The following OXR1 variants were observed in gnomAD, a reference collection of about 807,000 sequenced individuals.
OXR1 encodes the protein oxidation resistance 1, also known as oxidation resistance protein 1.
In OXR1, 41 loss-of-function variants were observed where a neutral mutation model predicts 104.6. That is an observed-to-expected ratio of 0.39 (90% CI 0.31 to 0.51). OXR1 has a LOEUF of 0.51. OXR1 is among the 20% of genes least tolerant of loss of function. The pLI is 0.77. For missense variants in OXR1, 955 were observed against 1,031.9 expected, an observed-to-expected ratio of 0.93 and a Z score of 1.02; for synonymous variants, 348 against 348.4, an observed-to-expected ratio of 1.00 and a Z score of 0.01.
intron 3 of OXR1, among the ~76,000 whole-genome samples, chr8:106,521,706 G>T (rs35243057): frequency 0.14 from 21,589 of 152,132 alleles, 1,706 homozygotes; most frequent in East Asian, 0.25. Flanking sequence ...TAGAAACGGG[G>T]TTTCACTGCG....
At chr8:106,697,415 G>A (rs1563720032) in intron 7 of OXR1, 4 of 1,460,622 alleles carry the variant, frequency 2.7e-6, no homozygotes, top group East Asian at 4.5e-5. Flanking sequence ...GGCAAGGCCT[G>A]GGGTGGGATC....
intron 3 of OXR1, among the ~76,000 whole-genome samples, chr8:106,610,764 G>A (rs1029315994): frequency 6.6e-6 from 1 of 152,084 alleles, no homozygotes; most frequent in South Asian, 2.1e-4. Context: ...GACATTATTC[G>A]AAGAAACAAT....
intron 2 of OXR1, among the ~76,000 whole-genome samples, chr8:106,480,102 A>G (rs1258057272): frequency 1.3e-5 from 2 of 152,006 alleles, no homozygotes; most frequent in Non-Finnish European, 2.9e-5. Context: ...GTTACCCCAC[A>G]GTGGTTCCAA....
At position 106,536,622 on chromosome 8, in the gene OXR1, A is replaced by AT. The variant is rs962953159; in HGVS notation, c.220+17493dup. 3.6e-4 allele frequency among the ~76,000 whole-genome samples: 55 copies of AT among 151,064 alleles called. 2 individuals are homozygous for AT. In the South Asian group the frequency reaches 4.8e-3, roughly 13 times the overall value. On this transcript the variant is annotated intron_variant, in intron 3 of 16. Coordinates refer to ENST00000517566, the MANE Select transcript of OXR1 (RefSeq NM_001198533.2). ...TCTCGCCAGCCATTTTATTTTTTAA[A>AT]TTTTTTTTTTAATTTTTGTGGGTAC...
intron 1 of OXR1, among the ~76,000 whole-genome samples, chr8:106,312,777 A>C (rs1257031580): frequency 6.6e-6 from 1 of 152,222 alleles, no homozygotes; most frequent in African/African-American, 2.4e-5. Flanking sequence ...AATTTGTTGT[A>C]TATTATTAAT....
intron 3 of OXR1, among the ~76,000 whole-genome samples, chr8:106,577,000 T>G (rs895344378): frequency 1.1e-4 from 16 of 152,196 alleles, no homozygotes; most frequent in Non-Finnish European, 4.4e-5. Context: ...AACTTTCAAC[T>G]ACCTTTACTT....
chr8:106,596,529 A>G (rs1378131966), intron 3 of OXR1, among the ~76,000 whole-genome samples: 1 of 152,204 alleles, frequency 6.6e-6, no homozygotes, highest in East Asian at 1.9e-4. Flanking sequence ...TTATCAGCAA[A>G]TTAGAAGCAA....
chr8:106,405,533 A>T (rs1159551810), intron 2 of OXR1, among the ~76,000 whole-genome samples: 3 of 152,192 alleles, frequency 2.0e-5, no homozygotes, highest in African/African-American at 7.2e-5. Flanking sequence ...AAAATCCAGC[A>T]GAAATAACTT....
rs573981616 is a variant in OXR1 at position 106,590,351 on chromosome 8, G to A, written c.220+71212G>A. Reference sequence around the variant, plus strand: ...CGCCCAGGCTGGAATGCACTGGCACGATCTTGGCTCACTGCAATCTCTGCC... The same window carrying A: ...CGCCCAGGCTGGAATGCACTGGCACAATCTTGGCTCACTGCAATCTCTGCC... On this transcript the variant is annotated intron_variant, in intron 3 of 16. Transcript: ENST00000517566. Among the ~76,000 whole-genome samples the A allele has an allele frequency of 3.1e-3, 470 of 152,294 alleles. 3 individuals carry two copies. Among genetic ancestry groups the A allele is most frequent in the Non-Finnish European group, 3.7e-3 (254 of 68,020 alleles).
intron 2 of OXR1, among the ~76,000 whole-genome samples, chr8:106,457,280 T>C (rs1670402): frequency 0.52 from 79,662 of 152,040 alleles, 24,204 homozygotes; most frequent in African/African-American, 0.83. Flanking sequence ...CCTTTCCCTG[T>C]GCTCTCTAAT....
At chr8:106,441,302 G>A (rs1452246990) in intron 2 of OXR1, among the ~76,000 whole-genome samples, 19 of 152,154 alleles carry the variant, frequency 1.2e-4, no homozygotes, top group Non-Finnish European at 2.9e-5. Flanking sequence ...CCAGTACCAT[G>A]CTATTTTGGT....
chr8:106,320,684 G>A (rs1814178135), intron 1 of OXR1, among the ~76,000 whole-genome samples: 1 of 151,142 alleles, frequency 6.6e-6, no homozygotes, highest in Non-Finnish European at 1.5e-5. Context: ...TTTTTTGGGG[G>A]GGGCGGGGAC....
intron 11 of OXR1, among the ~76,000 whole-genome samples, chr8:106,717,041 C>T (rs1832335782): frequency 1.3e-5 from 2 of 152,060 alleles, no homozygotes; most frequent in South Asian, 2.1e-4. Context: ...CAAAAATTAG[C>T]TGGACGTGGT....
intron 2 of OXR1, among the ~76,000 whole-genome samples, chr8:106,467,164 C>T (rs80156869): frequency 0.012 from 1,812 of 151,994 alleles, 38 homozygotes; most frequent in African/African-American, 0.041. Flanking sequence ...ATGACCAAGA[C>T]GTCTCAAGGT....
chr8:106,291,366 T>C (rs1214478680), intron 1 of OXR1, among the ~76,000 whole-genome samples: 1 of 152,108 alleles, frequency 6.6e-6, no homozygotes, highest in Non-Finnish European at 1.5e-5. Flanking sequence ...AACACACCCA[T>C]GTAGCAAACT....
At chr8:106,747,134 G>A (rs777411972) in intron 16 of OXR1, among the ~76,000 whole-genome samples, 3 of 152,178 alleles carry the variant, frequency 2.0e-5, no homozygotes, top group Admixed American at 6.5e-5. Flanking sequence ...AAATGATGTA[G>A]TGGACTTAAT....
At chr8:106,275,680 TTGC>T (rs1812007832) in intron 1 of OXR1, among the ~76,000 whole-genome samples, 1 of 152,124 alleles carries the variant, frequency 6.6e-6, no homozygotes, top group Admixed American at 6.5e-5. Flanking sequence ...AAAAACAAAC[TTGC>T]TGCTTACTCT....
intron 2 of OXR1, among the ~76,000 whole-genome samples, chr8:106,515,430 A>G (rs776085324): frequency 3.2e-4 from 48 of 152,200 alleles, no homozygotes; most frequent in Admixed American, 1.6e-3. Context: ...ATAAAATTTT[A>G]TATCCTTTGA....
intron 1 of OXR1, among the ~76,000 whole-genome samples, chr8:106,352,626 G>A (rs550509055): frequency 5.3e-5 from 8 of 152,252 alleles, no homozygotes; most frequent in African/African-American, 1.9e-4. Flanking sequence ...TCAATGAAAT[G>A]CTCTAAAATC....
Sources: gnomAD v4.1 joint callset for allele counts (sites outside exome capture counted in the v4.1 genomes callset) on GRCh38, gnomAD v4.1.1 for gene constraint, MANE v1.5 for transcripts, NCBI Gene and HGNC (gene_info 2026-07-23, HGNC 2026-07-21) for gene names.